The following HECW1 variants were observed in gnomAD, a reference collection of about 807,000 sequenced individuals.
The protein encoded by HECW1 is E3 ubiquitin-protein ligase HECW1.
Under a neutral mutation model 182.3 loss-of-function variants are expected in HECW1, and 61 were observed. The observed-to-expected ratio is 0.33, with a 90% CI of 0.27 to 0.41. The LOEUF (loss-of-function observed/expected upper bound fraction) is 0.41. Ranked by LOEUF, HECW1 falls within the 10% of genes least tolerant of loss-of-function variation. The pLI, the probability that HECW1 is intolerant of heterozygous loss-of-function variation, is 1.00. For synonymous variants in HECW1, 859 were observed against 832.6 expected (o/e 1.03, Z -0.55); for missense variants, 1,739 against 2,108.9 (o/e 0.82, Z 3.44).
In HECW1 at chr7:43,444,492, G is replaced by C. The variant is rs1326171113; in HGVS notation, c.1320G>C (p.Glu440Asp). The stretch of plus-strand genomic sequence containing the variant: ...CTGTGGGACCTGAAGGGGCTGGGGA[G>C]CTCCTGGCCCAGGTGCAAAAGGACA... ...MVSVGPEGAG[E>D]LLAQVQKDIQ... is the part of the protein sequence containing the mutation. The change falls in exon 11 of 30, where the codon GAG (glutamate) becomes GAC (aspartate). Residue 440 changes from glutamate (E) to aspartate (D), a missense_variant. This residue lies in a region of HECW1 where 971 missense variants were observed against 1,029.1 expected (regional missense o/e 0.94). Transcript: ENST00000395891. This position sits in a 1 kb window ranked among gnomAD's most constrained non-coding sequence, Gnocchi z 4.3. 2 of 1,612,574 alleles carry C rather than the reference G, an allele frequency of 1.2e-6. No homozygotes were observed. Among genetic ancestry groups the C allele is most frequent in the Non-Finnish European group, 1.7e-6 (2 of 1,179,484 alleles).
intron 3 of HECW1, among the ~76,000 whole-genome samples, chr7:43,253,800 G>A (rs546957750): frequency 6.6e-6 from 1 of 152,234 alleles, no homozygotes; most frequent in Admixed American, 6.5e-5. Flanking sequence ...CCCAGCTACT[G>A]GGGAAGCTGA....
chr7:43,187,908 C>T (rs1329285746), intron 2 of HECW1, among the ~76,000 whole-genome samples: 3 of 152,202 alleles, frequency 2.0e-5, no homozygotes, highest in Non-Finnish European at 4.4e-5. Context: ...AATTTTTTCA[C>T]ATGTGCAACC....
At chr7:43,214,938 C>T (rs886514206) in intron 2 of HECW1, among the ~76,000 whole-genome samples, 2 of 152,212 alleles carry the variant, frequency 1.3e-5, no homozygotes, top group Non-Finnish European at 2.9e-5. Flanking sequence ...AATGCCTCCT[C>T]CCAGTCAGCG....
intron 2 of HECW1, chr7:43,162,815 G>A (rs1790688442): frequency 6.6e-6 from 1 of 152,190 alleles, no homozygotes; most frequent in Admixed American, 6.5e-5. Flanking sequence ...AGTAATTTAT[G>A]GAGCACTTGT....
rs559784846 is a variant in HECW1 at position 43,182,084 on chromosome 7, T to C, written c.-31-61791T>C. Among the ~76,000 whole-genome samples the C allele has an allele frequency of 2.6e-5, 4 of 152,292 alleles. No individual in the cohort carries two copies. The South Asian group carries it at 8.3e-4, about 32-fold the overall frequency. ...CAGGCGTGAGCCACCGCGCCAGGCC[T>C]CTCATATTCTTTAAGTTCTCTCTTA... On this transcript the variant is annotated intron_variant, in intron 2 of 29. Coordinates refer to ENST00000395891, the MANE Select transcript of HECW1 (RefSeq NM_015052.5).
chr7:43,376,192 G>T (rs1039272458), intron 6 of HECW1, among the ~76,000 whole-genome samples: 1 of 151,912 alleles, frequency 6.6e-6, no homozygotes, highest in African/African-American at 2.4e-5. Flanking sequence ...CAAAATAAGC[G>T]TGTAAGATGC....
chr7:43,266,711 A>G (rs1454119715), intron 3 of HECW1, among the ~76,000 whole-genome samples: 2 of 152,210 alleles, frequency 1.3e-5, no homozygotes, highest in Non-Finnish European at 2.9e-5. Flanking sequence ...TTTTTATTAT[A>G]CCGCACACCT....
intron 17 of HECW1, among the ~76,000 whole-genome samples, chr7:43,481,961 C>T (rs965272605): frequency 3.6e-5 from 5 of 138,290 alleles, no homozygotes; most frequent in Middle Eastern, 4.0e-3. Flanking sequence ...AGCGACACAG[C>T]GAGACTCCAT....
chr7:43,256,425 C>A (rs550795613), intron 3 of HECW1, among the ~76,000 whole-genome samples: 1 of 152,034 alleles, frequency 6.6e-6, no homozygotes. Flanking sequence ...GCCTGGCCAA[C>A]ATGGTGAAAC....
chr7:43,352,671 T>C (rs964615336), intron 5 of HECW1, among the ~76,000 whole-genome samples: 3 of 152,224 alleles, frequency 2.0e-5, no homozygotes, highest in African/African-American at 7.2e-5. Context: ...AGGTGACATT[T>C]ACTGAGGTCT....
At chr7:43,498,850 A>G (rs2079217947) in intron 19 of HECW1, among the ~76,000 whole-genome samples, 1 of 152,188 alleles carries the variant, frequency 6.6e-6, no homozygotes, top group South Asian at 2.1e-4. Context: ...AAAGATCTCC[A>G]TACCAAAAGG....
At position 43,479,622 on chromosome 7, in the gene HECW1, GACC is replaced by G; in HGVS notation, c.3115_3117del (p.His1039del). ...GGTCTGTTCGCAGTCTTTTTTCGTG[GACC>G]ACAACAGTCGAGCTACCACTTTCAT... On this transcript the variant is annotated inframe_deletion, in exon 17 of 30. Coordinates refer to ENST00000395891, the MANE Select transcript of HECW1 (RefSeq NM_015052.5). The G allele has an allele frequency of 6.2e-7, 1 of 1,613,824 alleles. No individual in the cohort carries two copies. Among genetic ancestry groups the G allele is most frequent in the Admixed American group, 1.7e-5 (1 of 59,982 alleles).
chr7:43,560,745 T>A (rs2082183504), intron 29 of HECW1, among the ~76,000 whole-genome samples: 1 of 152,248 alleles, frequency 6.6e-6, no homozygotes, highest in Non-Finnish European at 1.5e-5. Flanking sequence ...AAAGAAGAGT[T>A]TAATATCCCA....
At chr7:43,400,096 C>T (rs2075357447) in intron 7 of HECW1, among the ~76,000 whole-genome samples, 1 of 152,146 alleles carries the variant, frequency 6.6e-6, no homozygotes, top group Non-Finnish European at 1.5e-5. Context: ...GTTAGCCAGC[C>T]ATGGTGGCAT....
At chr7:43,406,677 G>C (rs1242944835) in intron 7 of HECW1, among the ~76,000 whole-genome samples, 1 of 152,102 alleles carries the variant, frequency 6.6e-6, no homozygotes, top group Non-Finnish European at 1.5e-5. Flanking sequence ...CAACACTTTG[G>C]GAGGCCGAGG....
chr7:43,340,568 CTCTG>C (rs1031181077), intron 5 of HECW1, among the ~76,000 whole-genome samples: 6 of 151,644 alleles, frequency 4.0e-5, no homozygotes, highest in African/African-American at 1.2e-4. Context: ...GGATCAAAAA[CTCTG>C]TCTGGGGGTG....
intron 24 of HECW1, among the ~76,000 whole-genome samples, chr7:43,520,650 G>T (rs947999473): frequency 2.7e-5 from 4 of 150,836 alleles, no homozygotes; most frequent in African/African-American, 7.3e-5. Context: ...CTACTTTAAG[G>T]TTTTTTTTAA....
chr7:43,495,221 G>A (rs62458255), intron 19 of HECW1, among the ~76,000 whole-genome samples: 16,211 of 151,990 alleles, frequency 0.11, 1,027 homozygotes, highest in South Asian at 0.16. Flanking sequence ...CCATCAACCC[G>A]TCATCTACAT....
intron 5 of HECW1, among the ~76,000 whole-genome samples, chr7:43,348,607 ACTGT>A (rs1372990797): frequency 6.6e-6 from 1 of 151,738 alleles, no homozygotes; most frequent in Non-Finnish European, 1.5e-5. Flanking sequence ...TATGACTTAA[ACTGT>A]CTGTGCTCTT....
Sources: gnomAD v4.1 joint callset for allele counts (sites outside exome capture counted in the v4.1 genomes callset) on GRCh38, gnomAD v4.1.1 for gene constraint, gnomAD v4.1.1 regional missense constraint, Gnocchi (gnomAD v3.1) non-coding constraint, MANE v1.5 for transcripts, NCBI Gene and HGNC (gene_info 2026-07-23, HGNC 2026-07-21) for gene names.